Variants in SLC2A13 observed in about 807,000 individuals in gnomAD.
SLC2A13 encodes the protein solute carrier family 2 member 13, also known as proton myo-inositol cotransporter.
In SLC2A13, 32 loss-of-function variants were observed where a neutral mutation model predicts 64.4. That is an observed-to-expected ratio of 0.50 (90% CI 0.37 to 0.67). The LOEUF is 0.67. Among genes scored for constraint, SLC2A13 ranks in the 30% least tolerant of loss-of-function variants. The probability of loss-of-function intolerance (pLI) is 0.00; values close to 1 mark genes in which losing one functional copy is unlikely to be tolerated. For missense variants in SLC2A13, 743 were observed against 829.2 expected, an observed-to-expected ratio of 0.90 and a Z score of 1.28; for synonymous variants, 338 against 327.1, an observed-to-expected ratio of 1.03 and a Z score of -0.36.
chr12:40,083,806 A>G (rs897475867), intron 1 of SLC2A13, among the ~76,000 whole-genome samples: 2 of 152,234 alleles, frequency 1.3e-5, no homozygotes, highest in Non-Finnish European at 2.9e-5. Flanking sequence ...ATTCACTGCC[A>G]GTCCAGTAGG....
intron 7 of SLC2A13, among the ~76,000 whole-genome samples, chr12:39,767,208 C>G (rs149503345): frequency 3.0e-4 from 45 of 152,084 alleles, no homozygotes; most frequent in African/African-American, 9.2e-4. Flanking sequence ...GCTGTGTTAG[C>G]AGGTATGAAA....
chr12:39,840,210 T>C (rs1298570606), intron 6 of SLC2A13, among the ~76,000 whole-genome samples: 1 of 151,994 alleles, frequency 6.6e-6, no homozygotes, highest in Non-Finnish European at 1.5e-5. Context: ...TTTTGTATTA[T>C]TAGTAGAGTT....
At chr12:39,904,494 T>C (rs1238346807) in intron 4 of SLC2A13, among the ~76,000 whole-genome samples, 2 of 152,134 alleles carry the variant, frequency 1.3e-5, no homozygotes, top group African/African-American at 2.4e-5. Flanking sequence ...ATATTGCCTT[T>C]CTTATGGTAT....
chr12:39,872,050 A>C, intron 4 of SLC2A13, 89 bp from the exon 5 acceptor site: 1 of 1,174,338 alleles, frequency 8.5e-7, no homozygotes, highest in Non-Finnish European at 1.1e-6. Context: ...TCAATTTGAA[A>C]AAAATATAAG....
At chr12:39,963,160 G>A (rs902600032) in intron 3 of SLC2A13, among the ~76,000 whole-genome samples, 4 of 151,966 alleles carry the variant, frequency 2.6e-5, no homozygotes, top group East Asian at 1.9e-4. Flanking sequence ...GGTGGCGGGC[G>A]CCTGTAGTCC....
chr12:40,106,023 G>A lies in SLC2A13; in HGVS notation c.-215C>T, dbSNP rs1028172642. The A allele has an allele frequency of 6.2e-6, 3 of 486,226 alleles. No individual in the cohort carries two copies. Among genetic ancestry groups the A allele is most frequent in the South Asian group, 5.2e-5 (1 of 19,318 alleles). The allele number at this position is 486,226 out of a possible 1,614,324, so 30.1% of individuals were successfully genotyped here. A position where few individuals can be genotyped will look rare whatever the true frequency, so the allele number is the denominator to read the frequency against. On this transcript the variant is annotated 5_prime_UTR_variant, in exon 1 of 10. Transcript: ENST00000280871. ...CTCCGACGCTGCGGAGTTGGAGCCCGGCGGGTCTCACTCCACACTCACGCC... is the reference window on the plus strand; with the variant it reads ...CTCCGACGCTGCGGAGTTGGAGCCCAGCGGGTCTCACTCCACACTCACGCC...
intron 4 of SLC2A13, among the ~76,000 whole-genome samples, chr12:39,902,280 T>G (rs1049607330): frequency 1.3e-5 from 2 of 151,788 alleles, no homozygotes; most frequent in African/African-American, 4.8e-5. Flanking sequence ...GCATGGCACA[T>G]GTATACATAT....
intron 3 of SLC2A13, among the ~76,000 whole-genome samples, chr12:40,003,084 T>G (rs945740185): frequency 2.0e-5 from 3 of 152,230 alleles, no homozygotes; most frequent in African/African-American, 7.2e-5. Context: ...GCCATCATAA[T>G]GGACTGGGAC....
At chr12:39,991,405 A>G (rs1311987401) in intron 3 of SLC2A13, among the ~76,000 whole-genome samples, 1 of 152,076 alleles carries the variant, frequency 6.6e-6, no homozygotes, top group African/African-American at 2.4e-5. Flanking sequence ...TGCTGCCATC[A>G]TGCTCCAGTG....
chr12:39,858,773 A>T (rs907856817), intron 6 of SLC2A13, among the ~76,000 whole-genome samples: 14 of 151,994 alleles, frequency 9.2e-5, no homozygotes. Flanking sequence ...CACTTGGCTA[A>T]TTTTTTGTAT....
At chr12:40,048,328 C>G in intron 1 of SLC2A13, 118 bp from the exon 2 acceptor site, 1 of 938,948 alleles carries the variant, frequency 1.1e-6, no homozygotes, top group Non-Finnish European at 1.5e-6. Flanking sequence ...CTACTTTAAG[C>G]AAAGGTTTAC....
At chr12:39,906,442 C>T (rs1341814778) in intron 4 of SLC2A13, among the ~76,000 whole-genome samples, 1 of 152,098 alleles carries the variant, frequency 6.6e-6, no homozygotes, top group African/African-American at 2.4e-5. Flanking sequence ...CACTAGATAA[C>T]TTTCCCCAGT....
intron 1 of SLC2A13, among the ~76,000 whole-genome samples, chr12:40,076,737 G>C (rs963376870): frequency 6.6e-6 from 1 of 152,010 alleles, no homozygotes; most frequent in African/African-American, 2.4e-5. Context: ...TGCTTTCCAC[G>C]GTGGTTGAAC....
At chr12:39,769,710 C>T (rs1940492904) in intron 7 of SLC2A13, among the ~76,000 whole-genome samples, 1 of 151,850 alleles carries the variant, frequency 6.6e-6, no homozygotes, top group South Asian at 2.1e-4. Context: ...CTACTTGAGC[C>T]TTCCCTTCTG....
intron 3 of SLC2A13, among the ~76,000 whole-genome samples, chr12:40,018,030 C>A (rs183840574): frequency 5.6e-4 from 83 of 148,752 alleles, no homozygotes; most frequent in African/African-American, 2.0e-3. Flanking sequence ...ACGTGAATAG[C>A]ATCCTCAAAT....
At chr12:39,837,145 T>C (rs1943030182) in intron 6 of SLC2A13, among the ~76,000 whole-genome samples, 1 of 124,440 alleles carries the variant, frequency 8.0e-6, no homozygotes, top group Non-Finnish European at 1.6e-5. Context: ...AACAGAGATA[T>C]AGATCAATGG....
intron 3 of SLC2A13, among the ~76,000 whole-genome samples, chr12:39,983,126 T>G (rs2136152473): frequency 6.6e-6 from 1 of 151,898 alleles, no homozygotes; most frequent in Admixed American, 6.6e-5. Flanking sequence ...GCTAGCCATA[T>G]GTAGAAAGCT....
At chr12:39,837,230 G>T (rs1943034764) in intron 6 of SLC2A13, among the ~76,000 whole-genome samples, 1 of 150,886 alleles carries the variant, frequency 6.6e-6, no homozygotes, top group Admixed American at 6.6e-5. Context: ...AGAAAAACAA[G>T]CAATGGGGAA....
intron 3 of SLC2A13, among the ~76,000 whole-genome samples, chr12:39,995,955 T>C (rs975759203): frequency 6.6e-6 from 1 of 152,218 alleles, no homozygotes; most frequent in South Asian, 2.1e-4. Context: ...CTAAACCTCT[T>C]TCTTTTGTAA....
Sources: gnomAD v4.1 joint callset for allele counts (sites outside exome capture counted in the v4.1 genomes callset) on GRCh38, gnomAD v4.1.1 for gene constraint, MANE v1.5 for transcripts, NCBI Gene and HGNC (gene_info 2026-07-23, HGNC 2026-07-21) for gene names.